The following PRKCE variants were observed in gnomAD, a reference collection of about 807,000 sequenced individuals.
PRKCE encodes protein kinase C epsilon type.
A neutral mutation model predicts 85.4 loss-of-function variants in PRKCE; 16 were observed. That is an observed-to-expected ratio of 0.19 (90% confidence interval 0.13 to 0.28). PRKCE has a LOEUF of 0.28. Among genes scored for constraint, PRKCE ranks in the 10% least tolerant of loss-of-function variants. PRKCE has a pLI of 1.00. For missense variants in PRKCE, 573 were observed against 975.2 expected (o/e 0.59, Z 5.49); for synonymous variants, 388 against 371.5 (o/e 1.04, Z -0.51).
At chr2:46,123,419 G>T (rs953422106) in intron 11 of PRKCE, among the ~76,000 whole-genome samples, 8 of 151,978 alleles carry the variant, frequency 5.3e-5, no homozygotes, top group African/African-American at 2.4e-5. Context: ...GGGGATGGAT[G>T]ATTTGTCGTG....
chr2:45,721,454 A>G (rs1378509792), intron 1 of PRKCE, among the ~76,000 whole-genome samples: 1 of 152,208 alleles, frequency 6.6e-6, no homozygotes, highest in African/African-American at 2.4e-5. Context: ...CAGAAGGTGG[A>G]ATTCTCAGAC....
intron 2 of PRKCE, among the ~76,000 whole-genome samples, chr2:45,860,228 C>G (rs1176846971): frequency 6.6e-6 from 1 of 152,216 alleles, no homozygotes; most frequent in Non-Finnish European, 1.5e-5. Flanking sequence ...ATGACTGAAT[C>G]AGAGGTGTTA....
chr2:45,845,099 T>C (rs901711758), intron 2 of PRKCE, among the ~76,000 whole-genome samples: 1 of 151,632 alleles, frequency 6.6e-6, no homozygotes, highest in South Asian at 2.1e-4. Flanking sequence ...TTCTTGGACT[T>C]GGGATCCTTT....
intron 10 of PRKCE, among the ~76,000 whole-genome samples, chr2:46,032,684 A>C (rs550015558): frequency 6.6e-6 from 1 of 152,366 alleles, no homozygotes; most frequent in African/African-American, 2.4e-5. Flanking sequence ...TAGAGCAAGA[A>C]GTGATTTATG....
chr2:45,913,939 G>T (rs1278878157), intron 2 of PRKCE, among the ~76,000 whole-genome samples: 1 of 151,972 alleles, frequency 6.6e-6, no homozygotes, highest in Non-Finnish European at 1.5e-5. Flanking sequence ...ACAAGAATTT[G>T]TACCCTCCTT....
chr2:45,984,559 C>T lies in PRKCE; in HGVS notation c.702C>T (p.Ser234=), dbSNP rs1328624435. Residue 234 remains serine (S), a synonymous_variant, in exon 6 of 15, where the codon TCC becomes TCT. Coordinates refer to ENST00000306156, the MANE Select transcript of PRKCE (RefSeq NM_005400.3). ...TCTTGCCATCCCTGCAGGTGGGCTC[C>T]CAGCGGTTCAGCGTCAACATGCCCC... ...KKQETPDQVG[S]QRFSVNMPHK... 1.9e-6 allele frequency: 3 copies of T among 1,599,484 alleles called. No homozygotes were observed. Among genetic ancestry groups the T allele is most frequent in the Middle Eastern group, 1.6e-4 (1 of 6,082 alleles).
At chr2:45,726,813 G>A (rs1341828526) in intron 1 of PRKCE, among the ~76,000 whole-genome samples, 3 of 152,120 alleles carry the variant, frequency 2.0e-5, no homozygotes, top group African/African-American at 4.8e-5. Context: ...GTTTTCCTAG[G>A]TGACATAGAG....
At chr2:45,996,690 A>C (rs1183474066) in intron 6 of PRKCE, among the ~76,000 whole-genome samples, 1 of 152,120 alleles carries the variant, frequency 6.6e-6, no homozygotes, top group Non-Finnish European at 1.5e-5. Context: ...GATAAATCCT[A>C]CTTGGTCATG....
rs184757255 is a variant in PRKCE, at chr2:45,828,506, G to T, written c.349-14494G>T. Among the ~76,000 whole-genome samples, 23 of 152,304 alleles carry T rather than the reference G, an allele frequency of 1.5e-4. No homozygotes were observed. In the East Asian group the frequency reaches 4.0e-3, roughly 27 times the overall value. Reference sequence around the variant, plus strand: ...TGACTACTTACCACTCAGAATTGGTGATTATGATAGAGTAGTGCTATAATT... The same window carrying T: ...TGACTACTTACCACTCAGAATTGGTTATTATGATAGAGTAGTGCTATAATT... On this transcript the variant is annotated intron_variant, in intron 1 of 14. Transcript: ENST00000306156.
intron 14 of PRKCE, among the ~76,000 whole-genome samples, chr2:46,181,472 C>G (rs190976480): frequency 7.1e-4 from 108 of 152,324 alleles, no homozygotes; most frequent in Admixed American, 1.2e-3. Flanking sequence ...GATTCTGGAA[C>G]CTCAAGAATC....
At chr2:45,681,202 GC>G (rs1297601607) in intron 1 of PRKCE, among the ~76,000 whole-genome samples, 12 of 139,444 alleles carry the variant, frequency 8.6e-5, no homozygotes, top group Non-Finnish European at 1.5e-4. Flanking sequence ...GGCAGGAGAA[GC>G]GCTTGAACCC....
At chr2:46,113,555 T>C (rs1672468114) in intron 11 of PRKCE, among the ~76,000 whole-genome samples, 1 of 152,176 alleles carries the variant, frequency 6.6e-6, no homozygotes, top group South Asian at 2.1e-4. Flanking sequence ...TGGGGAGAAG[T>C]ACTTTGGACC....
intron 11 of PRKCE, among the ~76,000 whole-genome samples, chr2:46,143,053 G>A (rs1574584444): frequency 6.6e-6 from 1 of 152,166 alleles, no homozygotes; most frequent in Non-Finnish European, 1.5e-5. Context: ...ACACTGGCTT[G>A]CAGAGCAGAT....
intron 1 of PRKCE, among the ~76,000 whole-genome samples, chr2:45,768,118 C>G (rs561434725): frequency 6.6e-6 from 1 of 152,324 alleles, no homozygotes; most frequent in South Asian, 2.1e-4. Flanking sequence ...GGAGAAGAAA[C>G]TCTAAGATGG....
At chr2:46,149,933 T>C (rs1676451784) in intron 12 of PRKCE, among the ~76,000 whole-genome samples, 1 of 151,496 alleles carries the variant, frequency 6.6e-6, no homozygotes, top group Non-Finnish European at 1.5e-5. Flanking sequence ...TATGACTCAC[T>C]ACAGCCTCAA....
chr2:45,782,724 TCAAA>T (rs771719167), intron 1 of PRKCE, among the ~76,000 whole-genome samples: 5 of 151,984 alleles, frequency 3.3e-5, no homozygotes, highest in Non-Finnish European at 5.9e-5. Context: ...CAACCCTCTG[TCAAA>T]CAATCTATAC....
intron 10 of PRKCE, among the ~76,000 whole-genome samples, chr2:46,013,195 T>C: frequency 6.6e-6 from 1 of 152,214 alleles, no homozygotes; most frequent in East Asian, 1.9e-4. Context: ...AACTTAACTT[T>C]TTAAAAATGT....
intron 11 of PRKCE, among the ~76,000 whole-genome samples, chr2:46,124,930 C>T (rs897776084): frequency 2.6e-5 from 4 of 152,178 alleles, no homozygotes; most frequent in Admixed American, 2.6e-4. Context: ...TTTTTAGACA[C>T]ATTTAAATCT....
intron 11 of PRKCE, among the ~76,000 whole-genome samples, chr2:46,135,472 A>T (rs1674878498): frequency 6.6e-6 from 1 of 152,230 alleles, no homozygotes; most frequent in Non-Finnish European, 1.5e-5. Context: ...GGTAGGGATA[A>T]TAACAGTCTT....
Sources: allele counts gnomAD v4.1 joint callset (sites outside exome capture counted in the v4.1 genomes callset), GRCh38; gene constraint gnomAD v4.1.1; transcripts MANE v1.5; gene names NCBI Gene and HGNC (gene_info 2026-07-23, HGNC 2026-07-21).